RPL10A: variants seen among roughly 807,000 people sequenced by gnomAD.
RPL10A encodes the protein ribosomal protein L10a.
RPL10A carries 11 observed loss-of-function variants against 24.6 expected under a neutral mutation model. The ratio of observed to expected loss-of-function variants is 0.45; its 90% CI spans 0.28 to 0.74. The LOEUF (loss-of-function observed/expected upper bound fraction) is 0.74, where lower values mean the gene tolerates loss of function less well. RPL10A is among the 30% of genes least tolerant of loss of function. RPL10A has a pLI of 0.13. For synonymous variants in RPL10A, 98 were observed against 108.5 expected (o/e 0.90, Z 0.60); for missense variants, 136 against 273.1 (o/e 0.50, Z 3.54).
intron 1 of RPL10A, 63 bp downstream of exon 1, chr6:35,468,502 T>TCGGATCCTGTAGGCCGCGCCGCGGACC: frequency 6.2e-7 from 1 of 1,611,042 alleles, no homozygotes; most frequent in Non-Finnish European, 8.5e-7. Flanking sequence ...CGCCGAGGGT[T>TCGGATCCTGTAGGCCGCGCCGCGGACC]CGGATCCTGT....
chr6:35,469,230 G>C lies in RPL10A; in HGVS notation c.162-151G>C, dbSNP rs935152552. The C allele has an allele frequency of 3.4e-6, 5 of 1,482,132 alleles. No individual in the cohort carries two copies. The African/African-American group carries it at 7.1e-5, about 21-fold the overall frequency. The allele number at this position is 1,482,132 out of a possible 1,614,324, so 91.8% of individuals were successfully genotyped here. ...GGAGGCGTGGGTAGGCCTCGGCCGA[G>C]CCCGCCGGCCAGCCTGAGAAGCCAG... On this transcript the variant is annotated intron_variant, in intron 3 of 5. Coordinates refer to ENST00000322203, the MANE Select transcript of RPL10A (RefSeq NM_007104.5).
At chr6:35,469,183 C>A in intron 3 of RPL10A, 156 bp downstream of exon 3, 2 of 1,466,520 alleles carry the variant, frequency 1.4e-6, no homozygotes, top group South Asian at 1.4e-5. Flanking sequence ...CGGACCCCCA[C>A]CCTGGGTCTT....
At position 35,470,459 on chromosome 6, in the gene RPL10A, G is replaced by T; in HGVS notation, c.483+108G>T. The T allele has an allele frequency of 6.7e-7, 1 of 1,499,752 alleles. No homozygotes were observed. The highest frequency in any genetic ancestry group is 1.3e-5 in the South Asian group (1 of 78,498). 92.9% of individuals were successfully genotyped at this position (1,499,752 alleles called of 1,614,324 possible). On this transcript the variant is annotated intron_variant, in intron 5 of 5. Coordinates refer to ENST00000322203, the MANE Select transcript of RPL10A (RefSeq NM_007104.5). The surrounding 1 kb of genome is among the most constrained non-coding windows in gnomAD (Gnocchi z 4.6). ...AGCACCCACCAGGATTGAAACTTTT[G>T]GAGTAACCCTGGTCTTGGCCCGGGT...
chr6:35,470,429 G>A lies in RPL10A; in HGVS notation c.483+78G>A. The stretch of plus-strand genomic sequence containing the variant: ...CTTATCCAAGTCTCTAAATATGCCA[G>A]TAAGAGCACCCACCAGGATTGAAAC... On this transcript the variant is annotated intron_variant, in intron 5 of 5. Transcript: ENST00000322203. This position sits in a 1 kb window ranked among gnomAD's most constrained non-coding sequence, Gnocchi z 4.6. 9.2e-6 allele frequency: 14 copies of A among 1,528,722 alleles called. No homozygotes were observed. The highest frequency in any genetic ancestry group is 1.8e-5 in the Admixed American group (1 of 54,644). The allele number at this position is 1,528,722 out of a possible 1,614,324, so 94.7% of individuals were successfully genotyped here.
At chr6:35,469,271 AT>A in intron 3 of RPL10A, 109 bp from the exon 4 acceptor site, 1 of 1,506,570 alleles carries the variant, frequency 6.6e-7, no homozygotes, top group Non-Finnish European at 8.8e-7. Flanking sequence ...CTGCTGGTGA[AT>A]GTGAACGCTC....
Position 35,470,496 on chromosome 6 carries a change from C to T in RPL10A, c.484-84C>T. ...GTCTTGGCCCGGGTCCAAGTACCTG[C>T]TCACCAGGCCACTGGGGGAGGAAGG... On this transcript the variant is annotated intron_variant, in intron 5 of 5. Coordinates refer to ENST00000322203, the MANE Select transcript of RPL10A (RefSeq NM_007104.5). The surrounding 1 kb of genome is among the most constrained non-coding windows in gnomAD (Gnocchi z 4.6). The T allele has an allele frequency of 1.3e-6, 2 of 1,504,836 alleles. No individual in the cohort carries two copies. Among genetic ancestry groups the T allele is most frequent in the Non-Finnish European group, 9.1e-7 (1 of 1,097,760 alleles). The allele number at this position is 1,504,836 out of a possible 1,614,324, so 93.2% of individuals were successfully genotyped here.
rs1256411097 is a variant in RPL10A, at chr6:35,470,551, T to G, written c.484-29T>G. 6.2e-7 allele frequency: 1 copy of G among 1,604,922 alleles called. No homozygotes were observed. The highest frequency in any genetic ancestry group is 1.3e-5 in the African/African-American group (1 of 74,828). Reference sequence around the variant, plus strand: ...GCCATCTGCTATTCGTCCACCAACCTGACTTGATCCTCTCTTCCCTCCTCC... The same window carrying G: ...GCCATCTGCTATTCGTCCACCAACCGGACTTGATCCTCTCTTCCCTCCTCC... On this transcript the variant is annotated intron_variant, in intron 5 of 5. Transcript: ENST00000322203. The surrounding 1 kb of genome is among the most constrained non-coding windows in gnomAD (Gnocchi z 4.6).
chr6:35,469,668 T>C, intron 4 of RPL10A, 139 bp downstream of exon 4: 3 of 1,012,206 alleles, frequency 3.0e-6, no homozygotes, highest in East Asian at 2.7e-5. Flanking sequence ...CTTGCCTGAG[T>C]GCTGTTTTAG....
rs774607774 is a variant in RPL10A at position 35,470,153 on chromosome 6, TGCCAATG to T, written c.311-23_311-17del. The T allele has an allele frequency of 3.1e-6, 5 of 1,604,914 alleles. No homozygotes were observed. In the South Asian group the frequency reaches 3.3e-5, roughly 11 times the overall value. ...GCCTTGGTGACCAGGTTCTAAGCAA[TGCCAATG>T]GCTTCCTCTCTCTATCAGCCAAGAA... On this transcript the variant is annotated intron_variant, in intron 4 of 5. Coordinates refer to ENST00000322203, the MANE Select transcript of RPL10A (RefSeq NM_007104.5). The surrounding 1 kb of genome is among the most constrained non-coding windows in gnomAD (Gnocchi z 4.6).
In RPL10A at chr6:35,470,077, CACTT is replaced by C; in HGVS notation, c.311-99_311-96del. The C allele has an allele frequency of 9.2e-7, 1 of 1,081,288 alleles. No homozygotes were observed. The highest frequency in any genetic ancestry group is 1.4e-6 in the Non-Finnish European group (1 of 739,934). 67.0% of individuals were successfully genotyped at this position (1,081,288 alleles called of 1,614,324 possible). Reference sequence around the variant, plus strand: ...CTTAGAGAGGGTGCTGCTTGGAGGTCACTTACATGATTGATTCAAGTGCGTTTCT... The same window carrying C: ...CTTAGAGAGGGTGCTGCTTGGAGGTCACATGATTGATTCAAGTGCGTTTCT... On this transcript the variant is annotated intron_variant, in intron 4 of 5. Transcript: ENST00000322203. The surrounding 1 kb of genome is among the most constrained non-coding windows in gnomAD (Gnocchi z 4.6).
At chr6:35,468,464 C>A (rs1420166548) in intron 1 of RPL10A, 25 bp downstream of exon 1, 10 of 1,613,918 alleles carry the variant, frequency 6.2e-6, no homozygotes, top group Non-Finnish European at 8.5e-6. Flanking sequence ...AAAGCCCTAT[C>A]CGCGTTCATC....
rs780551577 is a variant in RPL10A at position 35,470,458 on chromosome 6, T to C, written c.483+107T>C. The C allele has an allele frequency of 7.1e-5, 107 of 1,501,120 alleles. No individual in the cohort carries two copies. Among genetic ancestry groups the C allele is most frequent in the Non-Finnish European group, 8.3e-5 (92 of 1,104,528 alleles). The allele number at this position is 1,501,120 out of a possible 1,614,324, so 93.0% of individuals were successfully genotyped here. A position where few individuals can be genotyped will look rare whatever the true frequency, so the allele number is the denominator to read the frequency against. ...GAGCACCCACCAGGATTGAAACTTT[T>C]GGAGTAACCCTGGTCTTGGCCCGGG... is the stretch of plus-strand genomic sequence containing the variant. On this transcript the variant is annotated intron_variant, in intron 5 of 5. Transcript: ENST00000322203. This position sits in a 1 kb window ranked among gnomAD's most constrained non-coding sequence, Gnocchi z 4.6.
At chr6:35,468,701 C>T (rs1767921740) in intron 1 of RPL10A, 98 bp from the exon 2 acceptor site, 3 of 1,532,970 alleles carry the variant, frequency 2.0e-6, no homozygotes, top group African/African-American at 1.4e-5. Flanking sequence ...CCGCCGTGGG[C>T]CGCCCGCCCG....
At position 35,470,397 on chromosome 6, in the gene RPL10A, T is replaced by C. The variant is rs1247108918; in HGVS notation, c.483+46T>C. The C allele has an allele frequency of 1.3e-6, 2 of 1,572,926 alleles. No individual in the cohort carries two copies. On this transcript the variant is annotated intron_variant, in intron 5 of 5. Coordinates refer to ENST00000322203, the MANE Select transcript of RPL10A (RefSeq NM_007104.5). The surrounding 1 kb of genome is among the most constrained non-coding windows in gnomAD (Gnocchi z 4.6). Reference sequence around the variant, plus strand: ...GCTATGGGTGAAGGTGTTGGCAGGGTCTAAATCTTATCCAAGTCTCTAAAT... The same window carrying C: ...GCTATGGGTGAAGGTGTTGGCAGGGCCTAAATCTTATCCAAGTCTCTAAAT...
intron 1 of RPL10A, 179 bp from the exon 2 acceptor site, chr6:35,468,620 C>A: frequency 6.5e-7 from 1 of 1,528,674 alleles, no homozygotes; most frequent in South Asian, 1.2e-5. Context: ...GAGCCTCCCT[C>A]TTCCACCGGG....
intron 3 of RPL10A, 88 bp downstream of exon 3, chr6:35,469,115 G>C: frequency 6.3e-7 from 1 of 1,575,132 alleles, no homozygotes; most frequent in Non-Finnish European, 8.6e-7. Flanking sequence ...AGGCGGGCAC[G>C]TCGGTACTGA....
intron 3 of RPL10A, 111 bp downstream of exon 3, chr6:35,469,138 G>A (rs1767963499): frequency 6.6e-7 from 1 of 1,520,238 alleles, no homozygotes; most frequent in Non-Finnish European, 8.8e-7. Context: ...TGCTAGGGTA[G>A]TTCAGACCCC....
chr6:35,469,062 G>T (rs750182257), intron 3 of RPL10A, 35 bp downstream of exon 3: 5 of 1,608,718 alleles, frequency 3.1e-6, no homozygotes, highest in Non-Finnish European at 4.2e-6. Flanking sequence ...AGCCCTCAGT[G>T]CCCCCGTGCT....
intron 1 of RPL10A, 175 bp from the exon 2 acceptor site, chr6:35,468,624 C>A: frequency 6.6e-7 from 1 of 1,525,522 alleles, no homozygotes; most frequent in South Asian, 1.2e-5. Context: ...CTCCCTCTTC[C>A]ACCGGGGCTT....
Sources: gnomAD v4.1 joint callset for allele counts on GRCh38, gnomAD v4.1.1 for gene constraint, Gnocchi (gnomAD v3.1) non-coding constraint, MANE v1.5 for transcripts, NCBI Gene and HGNC (gene_info 2026-07-23, HGNC 2026-07-21) for gene names.